Variants in CELF4 observed in about 807,000 individuals in gnomAD.
The protein encoded by CELF4 is CUGBP Elav-like family member 4.
Under a neutral mutation model 59.9 loss-of-function variants are expected in CELF4, and 18 were observed. The ratio of observed to expected loss-of-function variants is 0.30; its 90% CI spans 0.21 to 0.45. The LOEUF is 0.45. Among genes scored for constraint, CELF4 ranks in the 20% least tolerant of loss-of-function variants. The pLI, the probability that CELF4 is intolerant of heterozygous loss-of-function variation, is 1.00. For missense variants in CELF4, 456 were observed against 689.0 expected (o/e 0.66, Z 3.79); for synonymous variants, 261 against 267.1 (o/e 0.98, Z 0.22).
chr18:37,320,698 C>T (rs1258289472), intron 3 of CELF4, among the ~76,000 whole-genome samples: 3 of 152,206 alleles, frequency 2.0e-5, no homozygotes, highest in African/African-American at 4.8e-5. Flanking sequence ...TTCAGAGCAA[C>T]GTCTGGGCAG....
At chr18:37,471,833 A>T (rs1324346877) in intron 2 of CELF4, among the ~76,000 whole-genome samples, 2 of 152,178 alleles carry the variant, frequency 1.3e-5, no homozygotes, top group Non-Finnish European at 2.9e-5. Flanking sequence ...TTGAATTACA[A>T]ACCTTCTCCC....
At chr18:37,558,074 T>C (rs1429371842) in intron 1 of CELF4, among the ~76,000 whole-genome samples, 1 of 133,478 alleles carries the variant, frequency 7.5e-6, no homozygotes, top group Non-Finnish European at 1.5e-5. Flanking sequence ...CAATCTCCAC[T>C]CATTGCAACC....
At chr18:37,361,782 TCG>T (rs1420227540) in intron 2 of CELF4, among the ~76,000 whole-genome samples, 2 of 148,050 alleles carry the variant, frequency 1.4e-5, no homozygotes, top group Non-Finnish European at 1.5e-5. Context: ...AAGACTACCC[TCG>T]GAGATGCCCA....
At position 37,545,740 on chromosome 18, in the gene CELF4, G is replaced by A. The variant is rs9952555; in HGVS notation, c.286+19616C>T. On this transcript the variant is annotated intron_variant, in intron 1 of 12. Transcript: ENST00000420428. ...GTCTCTCTCTCTCACTCTCATATGC[G>A]TGTGTGTGGGCATACACACACACAC... Among the ~76,000 whole-genome samples, 664 of 140,910 alleles carry A rather than the reference G, an allele frequency of 4.7e-3. 5 individuals carry two copies. The highest frequency in any genetic ancestry group is 0.019 in the African/African-American group (641 of 34,372). 92.4% of individuals were successfully genotyped at this position (140,910 alleles called of 152,430 possible).
chr18:37,402,766 G>A (rs1156348544), intron 2 of CELF4, among the ~76,000 whole-genome samples: 2 of 152,184 alleles, frequency 1.3e-5, no homozygotes, highest in Non-Finnish European at 1.5e-5. Flanking sequence ...AGCTTACTCT[G>A]CCCTGGGGAC....
chr18:37,460,489 T>C lies in CELF4; in HGVS notation c.369+25036A>G, dbSNP rs75407518. On this transcript the variant is annotated intron_variant, in intron 2 of 12. Coordinates refer to ENST00000420428, the MANE Select transcript of CELF4 (RefSeq NM_020180.4). ...GCTATGGAATGGCCAGAAGTTCAGC[T>C]TGTGGAACACAGAATGGTCTGCAAG... Among the ~76,000 whole-genome samples, 382 of 152,342 alleles carry C rather than the reference T, an allele frequency of 2.5e-3. 3 individuals carry two copies. Among genetic ancestry groups the C allele is most frequent in the African/African-American group, 8.9e-3 (369 of 41,578 alleles).
At chr18:37,297,585 C>T in intron 3 of CELF4, among the ~76,000 whole-genome samples, 1 of 152,204 alleles carries the variant, frequency 6.6e-6, no homozygotes, top group East Asian at 1.9e-4. Context: ...GACATGCGTA[C>T]ATCCTAAGGA....
At chr18:37,408,503 G>GA (rs2099407712) in intron 2 of CELF4, among the ~76,000 whole-genome samples, 1 of 30,878 alleles carries the variant, frequency 3.2e-5, no homozygotes. Flanking sequence ...GGGGGGGGGC[G>GA]CGGTGCAGGA....
intron 3 of CELF4, among the ~76,000 whole-genome samples, chr18:37,284,639 C>T (rs555895084): frequency 1.3e-5 from 2 of 152,320 alleles, no homozygotes; most frequent in South Asian, 4.1e-4. Context: ...TCAACGCCAC[C>T]TCCCTCCCCC....
chr18:37,484,671 C>T (rs1308142282), intron 2 of CELF4, among the ~76,000 whole-genome samples: 2 of 152,204 alleles, frequency 1.3e-5, no homozygotes, highest in African/African-American at 2.4e-5. Flanking sequence ...ACCTTTCCCG[C>T]TGTGGGGTAG....
chr18:37,250,891 C>T (rs2065069002), intron 12 of CELF4, among the ~76,000 whole-genome samples: 1 of 152,122 alleles, frequency 6.6e-6, no homozygotes, highest in Admixed American at 6.5e-5. Flanking sequence ...AGTTATGTGA[C>T]ATAGTAGTTT....
At chr18:37,491,771 TG>T (rs1177110515) in intron 1 of CELF4, among the ~76,000 whole-genome samples, 4 of 152,096 alleles carry the variant, frequency 2.6e-5, no homozygotes, top group African/African-American at 7.2e-5. Context: ...CTCTCCGACA[TG>T]GGCAGCGTGC....
At chr18:37,372,515 G>A (rs2098911136) in intron 2 of CELF4, among the ~76,000 whole-genome samples, 1 of 152,158 alleles carries the variant, frequency 6.6e-6, no homozygotes, top group Non-Finnish European at 1.5e-5. Context: ...ATAGCATTAA[G>A]AGAAATACCT....
chr18:37,459,876 T>C (rs932029428), intron 2 of CELF4, among the ~76,000 whole-genome samples: 1 of 152,198 alleles, frequency 6.6e-6, no homozygotes, highest in African/African-American at 2.4e-5. Flanking sequence ...TTTGTGTGTG[T>C]GTGAAGATGC....
At chr18:37,554,486 G>A (rs887912440) in intron 1 of CELF4, among the ~76,000 whole-genome samples, 5 of 152,090 alleles carry the variant, frequency 3.3e-5, no homozygotes, top group South Asian at 2.1e-4. Context: ...CCATTCCAGC[G>A]ACAGGCCCCA....
chr18:37,480,512 T>C (rs2099863628), intron 2 of CELF4, among the ~76,000 whole-genome samples: 1 of 152,266 alleles, frequency 6.6e-6, no homozygotes, highest in African/African-American at 2.4e-5. Context: ...TGTCATCATT[T>C]GCCCTTTATA....
chr18:37,253,777 C>T lies in CELF4; in HGVS notation c.*34G>A. The T allele has an allele frequency of 6.3e-7, 1 of 1,580,504 alleles. No individual in the cohort carries two copies. Among genetic ancestry groups the T allele is most frequent in the Non-Finnish European group, 8.6e-7 (1 of 1,162,630 alleles). ...GCCGCCCCCGGTTACCTGTGCGAGTCCTGGTCTCCCCCGGGGGACGCTCCC... is the reference window on the plus strand; with the variant it reads ...GCCGCCCCCGGTTACCTGTGCGAGTTCTGGTCTCCCCCGGGGGACGCTCCC... On this transcript the variant is annotated 3_prime_UTR_variant, in exon 12 of 13. Coordinates refer to ENST00000420428, the MANE Select transcript of CELF4 (RefSeq NM_020180.4). This position sits in a 1 kb window ranked among gnomAD's most constrained non-coding sequence, Gnocchi z 4.5.
intron 2 of CELF4, among the ~76,000 whole-genome samples, chr18:37,425,604 T>C (rs1401196074): frequency 6.6e-6 from 1 of 152,248 alleles, no homozygotes; most frequent in Non-Finnish European, 1.5e-5. Context: ...AAGTCATTCG[T>C]AATTACCTCA....
At chr18:37,384,011 C>G (rs180837335) in intron 2 of CELF4, among the ~76,000 whole-genome samples, 2 of 152,300 alleles carry the variant, frequency 1.3e-5, no homozygotes, top group Admixed American at 6.5e-5. Context: ...GCTGCACTGA[C>G]GGCTCCTCCA....
Sources: allele counts gnomAD v4.1 joint callset (sites outside exome capture counted in the v4.1 genomes callset), GRCh38; gene constraint gnomAD v4.1.1; non-coding constraint Gnocchi (gnomAD v3.1); transcripts MANE v1.5; gene names NCBI Gene and HGNC (gene_info 2026-07-23, HGNC 2026-07-21).